SLC25A16: variants seen among roughly 807,000 people sequenced by gnomAD.
SLC25A16 encodes the protein solute carrier family 25 member 16.
Under a neutral mutation model 41.5 loss-of-function variants are expected in SLC25A16, and 39 were observed. The observed-to-expected ratio is 0.94, with a 90% CI of 0.73 to 1.23. The LOEUF is 1.23. Among genes scored for constraint, SLC25A16 ranks in the 50% most tolerant of loss-of-function variants. SLC25A16 has a pLI of 0.00. For synonymous variants in SLC25A16, 146 were observed against 147.8 expected, an observed-to-expected ratio of 0.99 and a Z score of 0.09; for missense variants, 421 against 426.9, an observed-to-expected ratio of 0.99 and a Z score of 0.12.
chr10:68,497,223 A>G (rs986751572), intron 4 of SLC25A16, among the ~76,000 whole-genome samples: 3 of 152,164 alleles, frequency 2.0e-5, no homozygotes, highest in Non-Finnish European at 4.4e-5. Context: ...GTCCATGTAC[A>G]TATTCAAAGA....
intron 2 of SLC25A16, among the ~76,000 whole-genome samples, chr10:68,508,420 A>AG (rs937420468): frequency 2.0e-5 from 3 of 150,642 alleles, no homozygotes; most frequent in Non-Finnish European, 3.0e-5. Flanking sequence ...AAAAAAAAAA[A>AG]AAAGAATTCT....
intron 2 of SLC25A16, among the ~76,000 whole-genome samples, chr10:68,513,503 T>C (rs1481541309): frequency 6.6e-6 from 1 of 151,790 alleles, no homozygotes; most frequent in Admixed American, 6.6e-5. Flanking sequence ...TCCATTCAGG[T>C]TTGTAAGAAT....
chr10:68,496,690 TC>T, intron 4 of SLC25A16: 1 of 965,918 alleles, frequency 1.0e-6, no homozygotes, highest in Non-Finnish European at 1.2e-6. Flanking sequence ...CAGTCTAGAA[TC>T]CCAGGAGTTA....
chr10:68,491,993 A>T (rs911251659), intron 6 of SLC25A16, among the ~76,000 whole-genome samples: 1 of 151,892 alleles, frequency 6.6e-6, no homozygotes, highest in Non-Finnish European at 1.5e-5. Context: ...CAAGCCAGCT[A>T]ATTTTTGTAT....
At chr10:68,526,017 C>T (rs1447123072) in intron 1 of SLC25A16, among the ~76,000 whole-genome samples, 1 of 151,828 alleles carries the variant, frequency 6.6e-6, no homozygotes, top group Non-Finnish European at 1.5e-5. Flanking sequence ...AAGGTTTCTC[C>T]CCATGTGATA....
intron 2 of SLC25A16, among the ~76,000 whole-genome samples, chr10:68,513,920 G>T (rs1451445834): frequency 6.6e-6 from 1 of 152,042 alleles, no homozygotes; most frequent in African/African-American, 2.4e-5. Context: ...GTTTTGGCCG[G>T]GAGCAGTGGC....
At chr10:68,493,852 A>T (rs76064348) in intron 4 of SLC25A16, among the ~76,000 whole-genome samples, 16,705 of 150,968 alleles carry the variant, frequency 0.11, 1,107 homozygotes, top group South Asian at 0.25. Flanking sequence ...AGATTTTTTT[A>T]AAAAAAATTA....
At chr10:68,515,223 G>A (rs772675715) in intron 2 of SLC25A16, among the ~76,000 whole-genome samples, 1 of 150,908 alleles carries the variant, frequency 6.6e-6, no homozygotes, top group Non-Finnish European at 1.5e-5. Flanking sequence ...CAGGCGTGGT[G>A]GTGCATGCCT....
chr10:68,513,881 G>A lies in SLC25A16; in HGVS notation c.223+2870C>T, dbSNP rs553330256. Among the ~76,000 whole-genome samples the A allele has an allele frequency of 5.0e-4, 70 of 140,160 alleles. 1 individual carries two copies. In the South Asian group the frequency reaches 0.017, roughly 33 times the overall value. 92.0% of individuals were successfully genotyped at this position (140,160 alleles called of 152,430 possible). A position where few individuals can be genotyped will look rare whatever the true frequency, so the allele number is the denominator to read the frequency against. On this transcript the variant is annotated intron_variant, in intron 2 of 8. Coordinates refer to ENST00000609923, the MANE Select transcript of SLC25A16 (RefSeq NM_152707.4). ...GGCAACAGAGGAAGACTCCATCTCAGAAAGAAAAAAAAAGCTAACGCAAAT... is the reference window on the plus strand; with the variant it reads ...GGCAACAGAGGAAGACTCCATCTCAAAAAGAAAAAAAAAGCTAACGCAAAT...
rs145166830 is a variant in SLC25A16, at chr10:68,514,880, G to T, written c.223+1871C>A. ...AATCTCCCGAGTAACTAGGATTACA[G>T]GTGCCTGCCACCACGCCCAGCTAAT... is the stretch of plus-strand genomic sequence containing the variant. On this transcript the variant is annotated intron_variant, in intron 2 of 8. Transcript: ENST00000609923. 6.4e-3 allele frequency among the ~76,000 whole-genome samples: 979 copies of T among 151,918 alleles called. 7 individuals are homozygous for T. The highest frequency in any genetic ancestry group is 0.022 in the African/African-American group (925 of 41,510).
intron 1 of SLC25A16, among the ~76,000 whole-genome samples, 194 bp downstream of exon 1, chr10:68,527,052 C>A (rs1308836972): frequency 6.6e-6 from 1 of 152,116 alleles, no homozygotes; most frequent in Non-Finnish European, 1.5e-5. Flanking sequence ...GCCAAAGGTC[C>A]CACTCCCCAT....
intron 2 of SLC25A16, among the ~76,000 whole-genome samples, chr10:68,509,768 G>T (rs914317395): frequency 6.8e-6 from 1 of 147,088 alleles, no homozygotes; most frequent in Non-Finnish European, 1.5e-5. Flanking sequence ...TATAGATATA[G>T]ATAGATAGAT....
At chr10:68,524,310 CAAAA>C (rs565308290) in intron 1 of SLC25A16, among the ~76,000 whole-genome samples, 144 of 44,026 alleles carry the variant, frequency 3.3e-3, no homozygotes, top group Non-Finnish European at 4.8e-3. Flanking sequence ...AACTCCATCT[CAAAA>C]AAAAAAAAAA....
At chr10:68,499,913 T>A (rs1421678108) in intron 4 of SLC25A16, 1 of 582,128 alleles carries the variant, frequency 1.7e-6, no homozygotes, top group South Asian at 1.5e-5. Flanking sequence ...TCTCGCCAAG[T>A]AGGAAAGGAA....
At chr10:68,521,582 C>CTT (rs757080265) in intron 1 of SLC25A16, among the ~76,000 whole-genome samples, 3 of 110,326 alleles carry the variant, frequency 2.7e-5, no homozygotes, top group African/African-American at 1.1e-4. Flanking sequence ...TGCCTGTAAT[C>CTT]TTTTTTTTTT....
intron 4 of SLC25A16, chr10:68,499,924 A>G: frequency 1.7e-6 from 1 of 582,660 alleles, no homozygotes. Context: ...AGGAAAGGAA[A>G]AGGGCAAATA....
In SLC25A16 at chr10:68,493,141, G is replaced by A. The variant is rs1376177679; in HGVS notation, c.601C>T (p.Pro201Ser). The change falls in exon 6 of 9, where the codon CCA becomes TCA. Residue 201 changes from proline to serine, a missense_variant. Physicochemically the swap from Pro to Ser is moderately conservative, Grantham distance 74. Coordinates refer to ENST00000609923, the MANE Select transcript of SLC25A16 (RefSeq NM_152707.4). ...GLMPTILGMA[P>S]YAGVSFFTFG... is the part of the protein sequence containing the mutation. ...CAAATTTGAAACATACCTGCATATG[G>A]AGCCATTCCTAAAATAGTAGGCATC... is the stretch of plus-strand genomic sequence containing the variant. 2.5e-6 allele frequency: 4 copies of A among 1,586,864 alleles called. No individual in the cohort carries two copies. Among genetic ancestry groups the A allele is most frequent in the Non-Finnish European group, 3.4e-6 (4 of 1,168,194 alleles).
At position 68,527,408 on chromosome 10, in the gene SLC25A16, C is replaced by A. The variant is rs572901122; in HGVS notation, c.-33G>T. 1 of 1,446,496 alleles carries A rather than the reference C, an allele frequency of 6.9e-7. No homozygotes were observed. The highest frequency in any genetic ancestry group is 2.7e-5 in the East Asian group (1 of 36,748). 89.6% of individuals were successfully genotyped at this position (1,446,496 alleles called of 1,614,324 possible). A position where few individuals can be genotyped will look rare whatever the true frequency, so the allele number is the denominator to read the frequency against. On this transcript the variant is annotated 5_prime_UTR_variant, in exon 1 of 9. Coordinates refer to ENST00000609923, the MANE Select transcript of SLC25A16 (RefSeq NM_152707.4). ...AGGGTCGCGTCAGGAGCCTAGGTTG[C>A]CAACTTACAGAACACCGGACGGGAC... is the stretch of plus-strand genomic sequence containing the variant.
At chr10:68,496,447 G>T (rs1374141326) in intron 4 of SLC25A16, 1 of 979,500 alleles carries the variant, frequency 1.0e-6, no homozygotes, top group Non-Finnish European at 1.2e-6. Flanking sequence ...GAATAGTGGT[G>T]GTAACAGCTT....
Sources: gnomAD v4.1 joint callset for allele counts (sites outside exome capture counted in the v4.1 genomes callset) on GRCh38, gnomAD v4.1.1 for gene constraint, MANE v1.5 for transcripts, NCBI Gene and HGNC (gene_info 2026-07-23, HGNC 2026-07-21) for gene names.